Variants in TRAF2 observed in about 807,000 individuals in gnomAD.
TRAF2 encodes TNF receptor associated factor 2.
TRAF2 carries 6 observed loss-of-function variants against 55.6 expected under a neutral mutation model. That is an observed-to-expected ratio of 0.11 (90% CI 0.06 to 0.21). TRAF2 has a LOEUF of 0.21. Among genes scored for constraint, TRAF2 ranks in the 10% least tolerant of loss-of-function variants. The pLI is 1.00. For synonymous variants in TRAF2, 329 were observed against 276.3 expected, an observed-to-expected ratio of 1.19 and a Z score of -1.89; for missense variants, 561 against 684.5, an observed-to-expected ratio of 0.82 and a Z score of 2.01.
chr9:136,906,550 C>T (rs1369313773), intron 4 of TRAF2, among the ~76,000 whole-genome samples: 1 of 152,186 alleles, frequency 6.6e-6, no homozygotes, highest in African/African-American at 2.4e-5. Flanking sequence ...GCCCCTCCCA[C>T]AACACATGGG....
At chr9:136,914,337 G>A (rs866654744) in intron 6 of TRAF2, among the ~76,000 whole-genome samples, 4 of 152,270 alleles carry the variant, frequency 2.6e-5, no homozygotes, top group Middle Eastern at 3.4e-3. Flanking sequence ...AGCATGCTGC[G>A]CACATGCCAG....
At chr9:136,887,283 A>T (rs575782528) in intron 1 of TRAF2, among the ~76,000 whole-genome samples, 4 of 152,298 alleles carry the variant, frequency 2.6e-5, no homozygotes, top group African/African-American at 9.6e-5. Context: ...GAGGAGTTGC[A>T]ATGTCTGCAA....
chr9:136,899,454 A>G (rs545250788), intron 2 of TRAF2, 140 bp from the exon 3 acceptor site: 135 of 664,384 alleles, frequency 2.0e-4, no homozygotes, highest in Middle Eastern at 1.9e-3. Context: ...TCCTGTTAAC[A>G]TTTGCCTGCT....
chr9:136,919,486 G>A (rs1850330211), intron 7 of TRAF2, among the ~76,000 whole-genome samples: 1 of 151,544 alleles, frequency 6.6e-6, no homozygotes, highest in African/African-American at 2.4e-5. Flanking sequence ...GTAGAGACAG[G>A]GTTTCTCCAT....
chr9:136,882,173 A>G (rs568748452), upstream of TRAF2: 20 of 502,922 alleles, frequency 4.0e-5, no homozygotes, highest in Non-Finnish European at 5.1e-5. Context: ...GAGTAAAAGG[A>G]CATGAGGTGT....
chr9:136,907,253 T>C (rs1249545410), intron 4 of TRAF2, among the ~76,000 whole-genome samples: 2 of 152,244 alleles, frequency 1.3e-5, no homozygotes, highest in African/African-American at 2.4e-5. Context: ...GTCTGCAGTC[T>C]GCATCTTGTG....
chr9:136,908,648 C>T (rs528495840), intron 5 of TRAF2, among the ~76,000 whole-genome samples: 5 of 152,232 alleles, frequency 3.3e-5, no homozygotes, highest in East Asian at 1.9e-4. Flanking sequence ...GGGCAGATCA[C>T]GAGGTCAGGA....
At position 136,909,988 on chromosome 9, in the gene TRAF2, G is replaced by A; in HGVS notation, c.597G>A (p.Arg199=). 1 of 1,613,920 alleles carries A rather than the reference G, an allele frequency of 6.2e-7. No individual in the cohort carries two copies. The highest frequency in any genetic ancestry group is 2.2e-5 in the East Asian group (1 of 44,870). The change falls in exon 6 of 11, where the codon CGG becomes CGA. Residue 199 remains arginine (R), a synonymous_variant. Transcript: ENST00000247668. ...GCTGCGGCAAGAAGAAGATCCCCCG[G>A]GAGAAGGTGAGTGTCCTTCACCTCC... ...CDGCGKKKIP[R]EKFQDHVKTC... is the part of the protein sequence containing the mutation.
chr9:136,891,650 A>C (rs577484844), intron 1 of TRAF2, among the ~76,000 whole-genome samples: 47 of 152,224 alleles, frequency 3.1e-4, no homozygotes, highest in Middle Eastern at 3.4e-3. Context: ...ATATGAAAAG[A>C]ATCAAGCTTT....
At position 136,922,773 on chromosome 9, in the gene TRAF2, C is replaced by CG. The variant is rs199668815; in HGVS notation, c.1139-1073dup. On this transcript the variant is annotated intron_variant, in intron 9 of 10. Transcript: ENST00000247668. ...CTGGGCATGTGGTGGAGGACTAGGACGGGGGGAGGATGGGCCTGGGGGCAT... is the reference window on the plus strand; with the variant it reads ...CTGGGCATGTGGTGGAGGACTAGGACGGGGGGGAGGATGGGCCTGGGGGCAT... Among the ~76,000 whole-genome samples the CG allele has an allele frequency of 4.2e-3, 122 of 29,092 alleles. 2 individuals are homozygous for CG. Among genetic ancestry groups the CG allele is most frequent in the African/African-American group, 0.016 (111 of 6,756 alleles). 19.1% of individuals were successfully genotyped at this position (29,092 alleles called of 152,430 possible). A position where few individuals can be genotyped will look rare whatever the true frequency, so the allele number is the denominator to read the frequency against.
At chr9:136,924,735 CATTT>C (rs1236978093) in intron 10 of TRAF2, among the ~76,000 whole-genome samples, 4 of 151,886 alleles carry the variant, frequency 2.6e-5, no homozygotes, top group Admixed American at 6.6e-5. Context: ...TCGGAGGTGT[CATTT>C]ATTTATTTAC....
chr9:136,898,726 G>A lies in TRAF2; in HGVS notation c.-15G>A, dbSNP rs1849744749. 2 of 1,612,868 alleles carry A rather than the reference G, an allele frequency of 1.2e-6. No individual in the cohort carries two copies. Among genetic ancestry groups the A allele is most frequent in the Admixed American group, 1.7e-5 (1 of 59,986 alleles). On this transcript the variant is annotated 5_prime_UTR_variant, in exon 2 of 11. Transcript: ENST00000247668. ...GTTCTTCCTTAGGGCTTTGTTCGCG[G>A]GGGTCACAGCTCTCATGGCTGCAGC...
chr9:136,909,868 C>T (rs1850059375), intron 5 of TRAF2, 52 bp from the exon 6 acceptor site: 2 of 1,595,550 alleles, frequency 1.3e-6, no homozygotes, highest in Admixed American at 1.7e-5. Context: ...CGCCCTCCAC[C>T]CGCGCCTGGC....
chr9:136,912,025 T>C (rs1487912153), intron 6 of TRAF2, among the ~76,000 whole-genome samples: 3 of 151,558 alleles, frequency 2.0e-5, no homozygotes, highest in African/African-American at 7.3e-5. Flanking sequence ...AATTTTGTTT[T>C]TGTATTTTTA....
Position 136,902,745 on chromosome 9 carries a change from A to G in TRAF2, c.366+2225A>G, listed in dbSNP as rs145130625. Among the ~76,000 whole-genome samples the G allele has an allele frequency of 2.0e-3, 300 of 152,288 alleles. 1 individual carries two copies. The highest frequency in any genetic ancestry group is 3.5e-3 in the Non-Finnish European group (236 of 68,016). On this transcript the variant is annotated intron_variant, in intron 4 of 10. Coordinates refer to ENST00000247668, the MANE Select transcript of TRAF2 (RefSeq NM_021138.4). ...CATGGGGACGGAAATCAACCCGTCT[A>G]TACAGTTGGGAGCCGCTCTGCCCCT...
At chr9:136,910,482 A>G (rs1850077855) in intron 6 of TRAF2, among the ~76,000 whole-genome samples, 1 of 152,182 alleles carries the variant, frequency 6.6e-6, no homozygotes, top group South Asian at 2.1e-4. Flanking sequence ...TTTCTCTCCC[A>G]GTTGAGAGTT....
chr9:136,896,812 G>A (rs1849690425), intron 1 of TRAF2, among the ~76,000 whole-genome samples: 1 of 152,218 alleles, frequency 6.6e-6, no homozygotes, highest in Non-Finnish European at 1.5e-5. Context: ...GTTTCACCGT[G>A]TTAGCCAGGA....
At position 136,916,623 on chromosome 9, in the gene TRAF2, G is replaced by T. The variant is rs113320580; in HGVS notation, c.678+8G>T. 6.2e-7 allele frequency: 1 copy of T among 1,612,282 alleles called. No individual in the cohort carries two copies. Among genetic ancestry groups the T allele is most frequent in the East Asian group, 2.2e-5 (1 of 44,796 alleles). On this transcript the variant is annotated splice_region_variant and intron_variant, in intron 7 of 10. Coordinates refer to ENST00000247668, the MANE Select transcript of TRAF2 (RefSeq NM_021138.4). ...ATCGGCTGCCTCGAGACGGTGAGTC[G>T]GGGGGTCTGAGGTTGGGGGCCACCC... is the stretch of plus-strand genomic sequence containing the variant.
chr9:136,917,977 C>T (rs989796468), intron 7 of TRAF2, among the ~76,000 whole-genome samples: 2 of 151,910 alleles, frequency 1.3e-5, no homozygotes, highest in Non-Finnish European at 2.9e-5. Context: ...TGGCGATGCT[C>T]GCTTCCCGTT....
Sources: allele counts gnomAD v4.1 joint callset (sites outside exome capture counted in the v4.1 genomes callset), GRCh38; gene constraint gnomAD v4.1.1; transcripts MANE v1.5; gene names NCBI Gene and HGNC (gene_info 2026-07-23, HGNC 2026-07-21).